Variants in ZNF808 observed in about 807,000 individuals in gnomAD.
ZNF808 encodes the protein zinc finger protein 808.
ZNF808 carries 5 observed loss-of-function variants against 8.7 expected under a neutral mutation model. The ratio of observed to expected loss-of-function variants is 0.58; its 90% CI spans 0.30 to 1.21. ZNF808 has a LOEUF of 1.21. ZNF808 is among the 50% of genes most tolerant of loss of function. ZNF808 has a pLI of 0.07. For missense variants in ZNF808, 1,103 were observed against 1,098.4 expected, an observed-to-expected ratio of 1.00 and a Z score of -0.06; for synonymous variants, 380 against 366.0, an observed-to-expected ratio of 1.04 and a Z score of -0.44.
rs372401188 is a variant in ZNF808 at position 52,553,882 on chromosome 19, G to A, written c.966G>A (p.Lys322=). ...VKPYKCNECG[K]VFRQNSALVI... ...CTTACAAGTGTAATGAGTGTGGCAA[G>A]GTCTTTCGTCAAAATTCAGCCCTTG... Residue 322 remains lysine (K), a synonymous_variant, in exon 5 of 5, where the codon AAG becomes AAA. Coordinates refer to ENST00000359798, the MANE Select transcript of ZNF808 (RefSeq NM_001039886.4). 3.7e-6 allele frequency: 6 copies of A among 1,614,056 alleles called. No homozygotes were observed. The South Asian group carries it at 4.4e-5, about 12-fold the overall frequency.
At chr19:52,553,086 A>G (rs1445562365) in intron 4 of ZNF808, 21 bp from the exon 5 acceptor site, 3 of 1,526,244 alleles carry the variant, frequency 2.0e-6, no homozygotes, top group Non-Finnish European at 2.6e-6. Context: ...TTGGAAATGT[A>G]TTGGTGTTTA....
intron 2 of ZNF808, among the ~76,000 whole-genome samples, chr19:52,536,345 G>C (rs1323932633): frequency 6.6e-6 from 1 of 151,820 alleles, no homozygotes; most frequent in Non-Finnish European, 1.5e-5. Flanking sequence ...TAAAGTCCCC[G>C]ACCCGCGAGG....
Position 52,554,578 on chromosome 19 carries a change from G to C in ZNF808, c.1662G>C (p.Leu554=), listed in dbSNP as rs769094182. 2 of 1,613,596 alleles carry C rather than the reference G, an allele frequency of 1.2e-6. No homozygotes were observed. Among genetic ancestry groups the C allele is most frequent in the Non-Finnish European group, 8.5e-7 (1 of 1,179,786 alleles). The change falls in exon 5 of 5, where the codon CTG becomes CTC. Residue 554 remains leucine (L), a synonymous_variant. Transcript: ENST00000359798. The part of the protein sequence containing the change: ...CNKVFMRNSV[L]AVHTRIHTAK... Reference sequence around the variant, plus strand: ...AGGTTTTCATGCGTAATTCAGTCCTGGCTGTACATACTAGAATTCACACTG... The same window carrying C: ...AGGTTTTCATGCGTAATTCAGTCCTCGCTGTACATACTAGAATTCACACTG...
At chr19:52,551,185 C>G (rs1222928085) in intron 4 of ZNF808, among the ~76,000 whole-genome samples, 1 of 152,086 alleles carries the variant, frequency 6.6e-6, no homozygotes, top group Admixed American at 6.6e-5. Context: ...AACCCCGTCT[C>G]TAGTAAAAAT....
At chr19:52,547,308 T>C (rs371281313) in intron 3 of ZNF808, among the ~76,000 whole-genome samples, 7 of 152,212 alleles carry the variant, frequency 4.6e-5, no homozygotes, top group East Asian at 3.9e-4. Context: ...ACTTCCATAG[T>C]GACTTATGGG....
intron 3 of ZNF808, among the ~76,000 whole-genome samples, chr19:52,545,109 A>G (rs1421232695): frequency 2.6e-5 from 4 of 152,226 alleles, no homozygotes; most frequent in Non-Finnish European, 4.4e-5. Context: ...ATGACTGTCA[A>G]TGCAATGGAA....
intron 2 of ZNF808, among the ~76,000 whole-genome samples, chr19:52,539,981 G>A (rs1052923401): frequency 2.0e-5 from 3 of 151,960 alleles, no homozygotes; most frequent in African/African-American, 7.3e-5. Flanking sequence ...AGTAGCTGGG[G>A]CCACAGACAC....
chr19:52,553,717 C>T lies in ZNF808; in HGVS notation c.801C>T (p.Leu267=), dbSNP rs773579753. 13 of 1,614,112 alleles carry T rather than the reference C, an allele frequency of 8.1e-6. 1 individual carries two copies. The South Asian group carries it at 1.4e-4, about 18-fold the overall frequency. The change falls in exon 5 of 5, where the codon CTC becomes CTT. Residue 267 remains leucine (L), a synonymous_variant. Coordinates refer to ENST00000359798, the MANE Select transcript of ZNF808 (RefSeq NM_001039886.4). ...KQYKCDVCGK[L]FNHKQYLACH... ...ATAAATGTGATGTATGTGGCAAGCT[C>T]TTTAATCACAAGCAATACCTTGCAT... is the stretch of plus-strand genomic sequence containing the variant.
rs192222088 is a variant in ZNF808 at position 52,554,498 on chromosome 19, T to A, written c.1582T>A (p.Tyr528Asn). 7.5e-5 allele frequency: 121 copies of A among 1,614,162 alleles called. No homozygotes were observed. In the African/African-American group the frequency reaches 1.1e-3, roughly 15 times the overall value. ...CTTCCGTCACCGGGCATCCCTTGTATACCATCGTAGACTTCACACTCTAGA... is the reference window on the plus strand; with the variant it reads ...CTTCCGTCACCGGGCATCCCTTGTAAACCATCGTAGACTTCACACTCTAGA... ...NTFRHRASLV[Y>N]HRRLHTLEKS... Residue 528 changes from tyrosine (Y) to asparagine (N), a missense_variant, in exon 5 of 5, where the codon TAC (tyrosine) becomes AAC (asparagine). Coordinates refer to ENST00000359798, the MANE Select transcript of ZNF808 (RefSeq NM_001039886.4).
downstream of ZNF808, among the ~76,000 whole-genome samples, chr19:52,565,785 G>C (rs997769582): frequency 2.0e-5 from 3 of 152,178 alleles, no homozygotes; most frequent in African/African-American, 7.2e-5. Context: ...CGCAATTCCA[G>C]TTATTTCACC....
exon 4 of ZNF808, chr19:52,564,309 T>A (rs2059867182): frequency 1.6e-6 from 1 of 641,454 alleles, no homozygotes; most frequent in Non-Finnish European, 2.7e-6. Flanking sequence ...AAAATGTCAC[T>A]ACCATCTGGA....
downstream of ZNF808, among the ~76,000 whole-genome samples, chr19:52,568,619 T>G (rs1318655479): frequency 3.9e-5 from 6 of 152,134 alleles, no homozygotes; most frequent in Admixed American, 6.5e-5. Flanking sequence ...TGGGAAAGCT[T>G]CTCTGTATTT....
chr19:52,554,819 A>G lies in ZNF808; in HGVS notation c.1903A>G (p.Asn635Asp), dbSNP rs1226740259. 6.2e-7 allele frequency: 1 copy of G among 1,613,994 alleles called. No homozygotes were observed. Among genetic ancestry groups the G allele is most frequent in the Non-Finnish European group, 8.5e-7 (1 of 1,180,010 alleles). The change falls in exon 5 of 5, where the codon AAT becomes GAT. Residue 635 changes from asparagine to aspartate, a missense_variant. Transcript: ENST00000359798. ...CQVCDTAFTW[N>D]SQLARHTRIH... Reference sequence around the variant, plus strand: ...GGTTTGTGACACAGCTTTCACGTGGAATTCACAGCTGGCACGACATACAAG... The same window carrying G: ...GGTTTGTGACACAGCTTTCACGTGGGATTCACAGCTGGCACGACATACAAG...
chr19:52,547,759 T>TTTG, intron 4 of ZNF808, 121 bp downstream of exon 4: 2 of 1,380,900 alleles, frequency 1.4e-6, no homozygotes, highest in African/African-American at 1.5e-5. Context: ...TTTTTTTTTT[T>TTTG]GACATGGAGT....
At chr19:52,558,885 G>C (rs564449842), downstream of ZNF808, among the ~76,000 whole-genome samples, 1 of 152,276 alleles carries the variant, frequency 6.6e-6, no homozygotes, top group Admixed American at 6.5e-5. Context: ...ATGGATTAAG[G>C]GCTGTTCAGG....
chr19:52,564,942 C>T (rs1006904902), downstream of ZNF808, among the ~76,000 whole-genome samples: 1 of 151,992 alleles, frequency 6.6e-6, no homozygotes, highest in African/African-American at 2.4e-5. Flanking sequence ...AAAAATGAGC[C>T]AGGCGCTGTG....
At position 52,561,944 on chromosome 19, in the gene ZNF808, T is replaced by C. The variant is rs528629088; in HGVS notation, c.*423-1374T>C. Among the ~76,000 whole-genome samples, 58 of 152,318 alleles carry C rather than the reference T, an allele frequency of 3.8e-4. No individual in the cohort carries two copies. The South Asian group carries it at 6.4e-3, about 17-fold the overall frequency. On this transcript the variant is annotated intron_variant and NMD_transcript_variant, in intron 3 of 3. Transcript: ENST00000487863. ...TAAACTTCCTTTGTGTAATAAGATA[T>C]GTCAGCCTTCCCTGATGTTGATGAT...
At chr19:52,544,911 G>C (rs2059706770) in intron 3 of ZNF808, among the ~76,000 whole-genome samples, 1 of 152,202 alleles carries the variant, frequency 6.6e-6, no homozygotes, top group Non-Finnish European at 1.5e-5. Flanking sequence ...AGCCTCCTGA[G>C]TATCTGGGAT....
Position 52,555,541 on chromosome 19 carries a change from C to T in ZNF808, c.2625C>T (p.Tyr875=), listed in dbSNP as rs2059828073. 1.2e-6 allele frequency: 2 copies of T among 1,613,952 alleles called. No individual in the cohort carries two copies. The highest frequency in any genetic ancestry group is 8.5e-7 in the Non-Finnish European group (1 of 1,180,022). The change falls in exon 5 of 5, where the codon TAC becomes TAT. Residue 875 remains tyrosine (Y), a synonymous_variant. Transcript: ENST00000359798. ...HRIIHTGEKP[Y]KCNECGKAFS... is the part of the protein sequence containing the mutation. ...TAATTCATACTGGAGAGAAACCTTACAAGTGTAATGAGTGTGGCAAAGCCT... is the reference window on the plus strand; with the variant it reads ...TAATTCATACTGGAGAGAAACCTTATAAGTGTAATGAGTGTGGCAAAGCCT...
Sources: gnomAD v4.1 joint callset for allele counts (sites outside exome capture counted in the v4.1 genomes callset) on GRCh38, gnomAD v4.1.1 for gene constraint, MANE v1.5 for transcripts, NCBI Gene and HGNC (gene_info 2026-07-23, HGNC 2026-07-21) for gene names.